Variants in IMPG1 observed in about 807,000 individuals in gnomAD.
IMPG1 encodes the protein interphotoreceptor matrix proteoglycan 1, also known as interphotoreceptor matrix proteoglycan of 150 kDa.
In IMPG1, 85 loss-of-function variants were observed where a neutral mutation model predicts 92.0. That is an observed-to-expected ratio of 0.92 (90% confidence interval 0.78 to 1.11). IMPG1 has a LOEUF of 1.11. Ranked by LOEUF, IMPG1 falls within the 50% of genes least tolerant of loss-of-function variation. The probability of loss-of-function intolerance (pLI) is 0.00; values close to 1 mark genes in which losing one functional copy is unlikely to be tolerated. For synonymous variants in IMPG1, 367 were observed against 334.1 expected (o/e 1.10, Z -1.08); for missense variants, 1,022 against 956.0 (o/e 1.07, Z -0.91).
chr6:76,002,730 T>A (rs1209047814), intron 12 of IMPG1, among the ~76,000 whole-genome samples, 188 bp downstream of exon 12: 1 of 152,212 alleles, frequency 6.6e-6, no homozygotes, highest in East Asian at 1.9e-4. Flanking sequence ...GAAGGAAGGA[T>A]GCTGTGGATG....
chr6:75,979,775 G>A (rs926107162), intron 12 of IMPG1, among the ~76,000 whole-genome samples: 5 of 152,164 alleles, frequency 3.3e-5, no homozygotes, highest in African/African-American at 9.7e-5. Flanking sequence ...TTTAGCAAAA[G>A]CATTGTTTAT....
At chr6:76,012,518 G>A (rs1025684644) in intron 7 of IMPG1, among the ~76,000 whole-genome samples, 15 of 152,198 alleles carry the variant, frequency 9.9e-5, no homozygotes, top group Non-Finnish European at 1.9e-4. Context: ...TAGGCTCTGG[G>A]GACACCGTCA....
chr6:75,979,566 T>C (rs1183938775), intron 12 of IMPG1, among the ~76,000 whole-genome samples: 1 of 152,158 alleles, frequency 6.6e-6, no homozygotes, highest in Non-Finnish European at 1.5e-5. Flanking sequence ...ATAACTGTCT[T>C]GAAGTGCTGA....
At chr6:75,989,149 C>T (rs1782772586) in intron 12 of IMPG1, among the ~76,000 whole-genome samples, 2 of 152,174 alleles carry the variant, frequency 1.3e-5, no homozygotes, top group Middle Eastern at 3.4e-3. Context: ...AGTGCAATGG[C>T]ATGATCATAG....
chr6:76,003,474 A>G (rs975855805), intron 11 of IMPG1, among the ~76,000 whole-genome samples: 3 of 152,180 alleles, frequency 2.0e-5, no homozygotes, highest in African/African-American at 7.2e-5. Context: ...ACATAGGTAA[A>G]TCTTTAAGTC....
intron 12 of IMPG1, among the ~76,000 whole-genome samples, chr6:75,962,520 G>C (rs1782226874): frequency 1.3e-5 from 2 of 152,120 alleles, no homozygotes; most frequent in Non-Finnish European, 2.9e-5. Flanking sequence ...ATGTTCCACA[G>C]AACAGGAGAA....
At chr6:75,952,976 T>C (rs1401753299) in intron 12 of IMPG1, among the ~76,000 whole-genome samples, 1 of 152,218 alleles carries the variant, frequency 6.6e-6, no homozygotes, top group East Asian at 1.9e-4. Context: ...AAGTCTGAGT[T>C]GACTAAAATA....
intron 8 of IMPG1, among the ~76,000 whole-genome samples, chr6:76,010,458 A>G (rs1783165679): frequency 6.6e-6 from 1 of 152,220 alleles, no homozygotes; most frequent in Non-Finnish European, 1.5e-5. Context: ...CCCACATGAG[A>G]GTGTTGGGAT....
At chr6:76,011,914 A>G (rs76547841) in intron 7 of IMPG1, among the ~76,000 whole-genome samples, 1 of 151,940 alleles carries the variant, frequency 6.6e-6, no homozygotes, top group Admixed American at 6.6e-5. Context: ...AGGACATGAA[A>G]ACTTTTTTGT....
At position 76,005,456 on chromosome 6, in the gene IMPG1, G is replaced by A. The variant is rs1275612521; in HGVS notation, c.966C>T (p.Leu322=). 1.2e-6 allele frequency: 2 copies of A among 1,613,964 alleles called. No homozygotes were observed. The highest frequency in any genetic ancestry group is 1.7e-5 in the Admixed American group (1 of 59,986). The stretch of plus-strand genomic sequence containing the variant: ...CAATTTTGTTGGAATCAAAAGACAG[G>A]AGGTCACTTGCAGGGCTTTTTGCTT... The part of the protein sequence containing the change: ...SAEAKSPASD[L]LSFDSNKIES... The change falls in exon 10 of 17, where the codon CTC becomes CTT. Residue 322 remains leucine (L), a synonymous_variant. Transcript: ENST00000369950.
At chr6:75,988,307 C>T (rs11961138) in intron 12 of IMPG1, among the ~76,000 whole-genome samples, 7,111 of 152,220 alleles carry the variant, frequency 0.047, 455 homozygotes, top group African/African-American at 0.14. Context: ...TCTTAATGAT[C>T]GCCATTCTAA....
At chr6:76,039,408 T>C (rs1320904789) in intron 2 of IMPG1, among the ~76,000 whole-genome samples, 1 of 148,158 alleles carries the variant, frequency 6.7e-6, no homozygotes, top group East Asian at 2.0e-4. Context: ...CAGGATGGAG[T>C]GCAGTGACGT....
chr6:75,970,130 T>TA (rs1292886334), intron 12 of IMPG1, among the ~76,000 whole-genome samples: 4 of 152,146 alleles, frequency 2.6e-5, no homozygotes, highest in Non-Finnish European at 1.5e-5. Context: ...AAGGATATTT[T>TA]AAAAAAATTC....
At chr6:75,992,721 A>G (rs1782833097) in intron 12 of IMPG1, among the ~76,000 whole-genome samples, 1 of 152,088 alleles carries the variant, frequency 6.6e-6, no homozygotes. Context: ...CCTGCTTGAT[A>G]TATATCCTTC....
chr6:75,959,844 G>A (rs1241762257), intron 12 of IMPG1, among the ~76,000 whole-genome samples: 1 of 152,156 alleles, frequency 6.6e-6, no homozygotes, highest in Non-Finnish European at 1.5e-5. Flanking sequence ...TTGGTTCCCT[G>A]GTTTCAGCCC....
intron 1 of IMPG1, among the ~76,000 whole-genome samples, chr6:76,070,622 G>A (rs1002318753): frequency 1.2e-4 from 18 of 152,126 alleles, no homozygotes; most frequent in African/African-American, 3.9e-4. Context: ...TTAATGGAAT[G>A]CTACTCAGCC....
In IMPG1 at chr6:75,960,329, C is replaced by A. The variant is rs1782195427; in HGVS notation, c.1292-9235G>T. Among the ~76,000 whole-genome samples the A allele has an allele frequency of 2.6e-5, 4 of 152,054 alleles. No individual in the cohort carries two copies. In the South Asian group the frequency reaches 8.3e-4, roughly 32 times the overall value. ...TGTTCCTATTCGGCCATCTTGCCAG[C>A]CGAAAAAAAGATGTTTTTTGTGACA... On this transcript the variant is annotated intron_variant, in intron 12 of 16. Coordinates refer to ENST00000369950, the MANE Select transcript of IMPG1 (RefSeq NM_001563.4).
In IMPG1 at chr6:75,947,449, T is replaced by C. The variant is rs1404245962; in HGVS notation, c.1909A>G (p.Ser637Gly). Residue 637 changes from serine (S) to glycine (G), a missense_variant, in exon 14 of 17, where the codon AGC becomes GGC. Around this residue, in one of 3 missense-constraint regions of IMPG1, gnomAD observed 332 missense variants for 346.2 expected, o/e 0.96. Transcript: ENST00000369950. ...ACTGACTTAGCAAACTTCATTTTGC[T>C]ATTCACAATCACACTCCCGTTTCTG... is the stretch of plus-strand genomic sequence containing the variant. ...NFRNGSVIVN[S>G]KMKFAKSVPY... The C allele has an allele frequency of 1.2e-6, 2 of 1,613,752 alleles. No homozygotes were observed. The highest frequency in any genetic ancestry group is 2.7e-5 in the African/African-American group (2 of 74,910).
intron 1 of IMPG1, among the ~76,000 whole-genome samples, chr6:76,071,765 C>T (rs1562392446): frequency 1.3e-5 from 2 of 152,160 alleles, no homozygotes; most frequent in Non-Finnish European, 1.5e-5. Context: ...GTCAAACTTT[C>T]TCCAACATGT....
Sources: allele counts gnomAD v4.1 joint callset (sites outside exome capture counted in the v4.1 genomes callset), GRCh38; gene constraint gnomAD v4.1.1; regional missense constraint gnomAD v4.1.1; transcripts MANE v1.5; gene names NCBI Gene and HGNC (gene_info 2026-07-23, HGNC 2026-07-21).